The following TENM2 variants were observed in gnomAD, a reference collection of about 807,000 sequenced individuals.
TENM2 encodes the protein teneurin transmembrane protein 2.
TENM2 carries 52 observed loss-of-function variants against 245.2 expected under a neutral mutation model. The ratio of observed to expected loss-of-function variants is 0.21; its 90% confidence interval spans 0.17 to 0.27. TENM2 has a LOEUF of 0.27. Among genes scored for constraint, TENM2 ranks in the 10% least tolerant of loss-of-function variants. The pLI, the probability that TENM2 is intolerant of heterozygous loss-of-function variation, is 1.00. For synonymous variants in TENM2, 1,363 were observed against 1,438.9 expected (o/e 0.95, Z 1.19); for missense variants, 3,046 against 3,666.8 (o/e 0.83, Z 4.37).
intron 2 of TENM2, among the ~76,000 whole-genome samples, chr5:167,632,501 G>A (rs759371109): frequency 2.3e-4 from 35 of 152,242 alleles, no homozygotes; most frequent in African/African-American, 6.3e-4. Flanking sequence ...AGCCATTGCC[G>A]CCATATTTAA....
intron 12 of TENM2, among the ~76,000 whole-genome samples, chr5:168,162,118 A>G (rs1757796932): frequency 6.6e-6 from 1 of 152,186 alleles, no homozygotes; most frequent in Non-Finnish European, 1.5e-5. Context: ...CAGTCATGAG[A>G]AGCTCATGAT....
At chr5:168,009,511 G>A (rs951731676) in intron 5 of TENM2, among the ~76,000 whole-genome samples, 5 of 151,984 alleles carry the variant, frequency 3.3e-5, no homozygotes, top group African/African-American at 4.8e-5. Context: ...TCCTCCCCCC[G>A]CCCTCTCTCT....
At chr5:167,859,158 C>T (rs1480151963) in intron 2 of TENM2, among the ~76,000 whole-genome samples, 2 of 99,842 alleles carry the variant, frequency 2.0e-5, no homozygotes, top group Admixed American at 9.1e-5. Context: ...TCTGCCCGGC[C>T]GAGACCCCGT....
At chr5:167,863,314 T>G (rs1317449617) in intron 2 of TENM2, among the ~76,000 whole-genome samples, 3 of 152,174 alleles carry the variant, frequency 2.0e-5, no homozygotes, top group Admixed American at 6.5e-5. Flanking sequence ...TCATCACATT[T>G]CTTTAAAGTA....
intron 2 of TENM2, among the ~76,000 whole-genome samples, chr5:167,601,069 GC>G (rs1219007480): frequency 9.8e-5 from 15 of 152,330 alleles, no homozygotes; most frequent in Admixed American, 9.8e-4. Flanking sequence ...GAAAAGCCCT[GC>G]CCGTGTGAAG....
At chr5:167,834,661 T>TTTTTTTTTTTTTTTTTTTTTTC (rs1554127838) in intron 2 of TENM2, among the ~76,000 whole-genome samples, 1 of 124,802 alleles carries the variant, frequency 8.0e-6, no homozygotes, top group Non-Finnish European at 1.8e-5. Flanking sequence ...TTTTTTTTTT[T>TTTTTTTTTTTTTTTTTTTTTTC]CTTTTTGAGA....
At chr5:167,315,686 A>G (rs1435783321) in intron 1 of TENM2, among the ~76,000 whole-genome samples, 1 of 152,146 alleles carries the variant, frequency 6.6e-6, no homozygotes, top group Non-Finnish European at 1.5e-5. Flanking sequence ...TTCAGGAGCT[A>G]GAGAATCCCT....
the TENM2 span, among the ~76,000 whole-genome samples, chr5:167,066,977 G>C: frequency 4.6e-5 from 7 of 152,098 alleles, no homozygotes; most frequent in African/African-American, 1.2e-4. Flanking sequence ...AAAAGCAAAT[G>C]AGTCTCAACT....
chr5:167,447,807 T>C (rs1415886956), intron 2 of TENM2, among the ~76,000 whole-genome samples: 1 of 152,238 alleles, frequency 6.6e-6, no homozygotes, highest in Non-Finnish European at 1.5e-5. Flanking sequence ...TCTTAATGAA[T>C]GGTGACAATG....
intron 4 of TENM2, among the ~76,000 whole-genome samples, chr5:167,962,428 C>G (rs935410958): frequency 1.3e-5 from 2 of 152,182 alleles, no homozygotes; most frequent in Non-Finnish European, 2.9e-5. Flanking sequence ...ATATTTGAAA[C>G]TCCACTCATG....
At chr5:167,442,651 T>C (rs1408274893) in intron 2 of TENM2, among the ~76,000 whole-genome samples, 6 of 152,152 alleles carry the variant, frequency 3.9e-5, no homozygotes, top group Non-Finnish European at 8.8e-5. Flanking sequence ...AGTGGGGAAA[T>C]TAACTTTTCT....
At position 167,961,154 on chromosome 5, in the gene TENM2, C is replaced by T. The variant is rs78206793; in HGVS notation, c.947+8332C>T. 2.5e-3 allele frequency among the ~76,000 whole-genome samples: 375 copies of T among 152,322 alleles called. 1 individual carries two copies. Among genetic ancestry groups the T allele is most frequent in the Non-Finnish European group, 4.5e-3 (305 of 68,032 alleles). On this transcript the variant is annotated intron_variant, in intron 4 of 28. Coordinates refer to ENST00000518659, the Ensembl canonical transcript of TENM2. ...GAGCTGTTCCTATTCGGCCATCTTG[C>T]CAGCCAGCAGAATTATAGGTTATTT...
intron 4 of TENM2, among the ~76,000 whole-genome samples, chr5:167,971,300 A>G (rs2546932): frequency 0.71 from 107,448 of 151,642 alleles, 38,907 homozygotes; most frequent in East Asian, 0.99. Flanking sequence ...TGATGCAGAT[A>G]TGGAAAAAAA....
chr5:167,852,343 G>A (rs1284730750), intron 2 of TENM2, among the ~76,000 whole-genome samples: 1 of 152,152 alleles, frequency 6.6e-6, no homozygotes, highest in East Asian at 1.9e-4. Flanking sequence ...GGTTCATGAA[G>A]GAAAGGCTTT....
At chr5:167,004,464 C>T in the TENM2 span, among the ~76,000 whole-genome samples, 1 of 152,084 alleles carries the variant, frequency 6.6e-6, no homozygotes, top group African/African-American at 2.4e-5. Context: ...TATTTTGTGG[C>T]AGTGTTATGT....
chr5:167,431,952 T>TATATATGTGTATATATATATATATAC (rs1561950348), intron 2 of TENM2, among the ~76,000 whole-genome samples: 1 of 66,896 alleles, frequency 1.5e-5, no homozygotes, highest in African/African-American at 4.8e-5. Flanking sequence ...TATATATGTA[T>TATATATGTGTATATATATATATATAC]ATATATATGT....
chr5:167,072,641 A>G, the TENM2 span, among the ~76,000 whole-genome samples: 1 of 152,220 alleles, frequency 6.6e-6, no homozygotes, highest in African/African-American at 2.4e-5. Context: ...AATAGGGGCT[A>G]TGATATTCCA....
At chr5:167,805,311 T>G (rs951374506) in intron 2 of TENM2, among the ~76,000 whole-genome samples, 1 of 152,178 alleles carries the variant, frequency 6.6e-6, no homozygotes, top group Non-Finnish European at 1.5e-5. Context: ...TGGGGGATAC[T>G]TATTAAAAGA....
chr5:167,399,925 G>A (rs968284393), intron 2 of TENM2, among the ~76,000 whole-genome samples: 1 of 152,110 alleles, frequency 6.6e-6, no homozygotes, highest in Non-Finnish European at 1.5e-5. Flanking sequence ...CAAAGATACT[G>A]TAAATTCAGA....
Sources: allele counts gnomAD v4.1 joint callset (sites outside exome capture counted in the v4.1 genomes callset), GRCh38; gene constraint gnomAD v4.1.1; transcripts MANE v1.5; gene names NCBI Gene and HGNC (gene_info 2026-07-23, HGNC 2026-07-21).